PROM1: variants seen among roughly 807,000 people sequenced by gnomAD.
PROM1 encodes prominin 1.
A neutral mutation model predicts 116.9 loss-of-function variants in PROM1; 105 were observed. The observed-to-expected ratio is 0.90, with a 90% CI of 0.77 to 1.06. PROM1 has a LOEUF of 1.06. PROM1 is among the 50% of genes least tolerant of loss of function. The probability of loss-of-function intolerance (pLI) is 0.00; values close to 1 mark genes in which losing one functional copy is unlikely to be tolerated. For synonymous variants in PROM1, 393 were observed against 387.0 expected, an observed-to-expected ratio of 1.02 and a Z score of -0.18; for missense variants, 1,122 against 1,045.2, an observed-to-expected ratio of 1.07 and a Z score of -1.01.
At chr4:16,041,501 G>A (rs561946794) in intron 2 of PROM1, among the ~76,000 whole-genome samples, 207 of 152,178 alleles carry the variant, frequency 1.4e-3, no homozygotes, top group African/African-American at 4.8e-3. Context: ...TTGATGGCCA[G>A]GCACAGTGGC....
intron 12 of PROM1, 84 bp from the exon 13 acceptor site, chr4:16,006,774 G>T: frequency 7.3e-7 from 1 of 1,365,656 alleles, no homozygotes; most frequent in Non-Finnish European, 1.0e-6. Flanking sequence ...GGCTGGAGCC[G>T]ATGAGTTATT....
At chr4:16,036,379 G>A (rs1299888586) in intron 3 of PROM1, among the ~76,000 whole-genome samples, 1 of 152,172 alleles carries the variant, frequency 6.6e-6, no homozygotes, top group Non-Finnish European at 1.5e-5. Context: ...GATCTTCACA[G>A]CTCTGAGGGA....
At chr4:15,985,607 C>A in intron 22 of PROM1, 153 bp downstream of exon 22, 2 of 671,786 alleles carry the variant, frequency 3.0e-6, no homozygotes, top group Non-Finnish European at 5.1e-6. Flanking sequence ...GGTGGGAAGC[C>A]CCAGAAGTCT....
chr4:16,014,286 C>G (rs1471575453), intron 10 of PROM1, among the ~76,000 whole-genome samples: 1 of 152,194 alleles, frequency 6.6e-6, no homozygotes, highest in African/African-American at 2.4e-5. Flanking sequence ...TCCGTTTCCT[C>G]CAAGGAGACT....
chr4:15,994,648 A>G (rs1180983710), intron 15 of PROM1, among the ~76,000 whole-genome samples: 1 of 152,182 alleles, frequency 6.6e-6, no homozygotes, highest in East Asian at 1.9e-4. Context: ...TCACCTCACC[A>G]TGCCTCAATC....
At chr4:15,979,251 G>C in intron 26 of PROM1, 144 bp downstream of exon 26, 1 of 1,293,908 alleles carries the variant, frequency 7.7e-7, no homozygotes, top group Non-Finnish European at 1.1e-6. Context: ...ACACTATGTA[G>C]AGCATGATTG....
intron 5 of PROM1, among the ~76,000 whole-genome samples, chr4:16,030,464 T>C (rs1372156058): frequency 1.3e-5 from 2 of 152,164 alleles, no homozygotes; most frequent in Non-Finnish European, 2.9e-5. Context: ...TGTAGGAGGG[T>C]ATAGAATCAC....
At position 15,993,965 on chromosome 4, in the gene PROM1, T is replaced by C. The variant is rs760439974; in HGVS notation, c.1767+22A>G. The C allele has an allele frequency of 2.5e-6, 4 of 1,609,288 alleles. No individual in the cohort carries two copies. In the Admixed American group the frequency reaches 6.7e-5, roughly 27 times the overall value. The stretch of plus-strand genomic sequence containing the variant: ...TTGGTGAAGGAATGTGTTATGTCGA[T>C]TCCATGACGAGTTCTAATTACCTCA... On this transcript the variant is annotated intron_variant, in intron 16 of 27. Coordinates refer to ENST00000447510, the MANE Select transcript of PROM1 (RefSeq NM_006017.3).
rs754063410 is a variant in PROM1 at position 16,075,848 on chromosome 4, C to A, written c.59G>T (p.Gly20Val). 1.5e-5 allele frequency: 25 copies of A among 1,613,656 alleles called. 1 individual carries two copies. In the South Asian group the frequency reaches 2.6e-4, roughly 17 times the overall value. ...AGCATCTGTGGATGAAGGCTGCCCT[C>A]CTGAAAAGGAGTTCCCGCACAGCCC... ...LLGLCGNSFS[G>V]GQPSSTDAPK... The change falls in exon 2 of 28, where the codon GGA (glycine) becomes GTA (valine). Residue 20 changes from glycine (G) to valine (V), a missense_variant. Transcript: ENST00000447510.
intron 5 of PROM1, among the ~76,000 whole-genome samples, chr4:16,032,200 G>A (rs556195384): frequency 1.9e-4 from 28 of 150,750 alleles, no homozygotes; most frequent in African/African-American, 6.6e-4. Context: ...TCTGCAACCT[G>A]CTTTTTCACT....
intron 13 of PROM1, among the ~76,000 whole-genome samples, chr4:16,004,196 TCAA>T: frequency 6.6e-6 from 1 of 152,326 alleles, no homozygotes; most frequent in East Asian, 1.9e-4. Context: ...CTGGTTGCAT[TCAA>T]CAATAAAGAA....
chr4:16,030,600 G>C (rs1016216193), intron 5 of PROM1, among the ~76,000 whole-genome samples: 7 of 152,222 alleles, frequency 4.6e-5, no homozygotes, highest in African/African-American at 1.7e-4. Context: ...ATAAATGGAA[G>C]CCAAGTTTAT....
At chr4:16,045,486 T>C (rs1736332321) in intron 2 of PROM1, among the ~76,000 whole-genome samples, 1 of 152,150 alleles carries the variant, frequency 6.6e-6, no homozygotes, top group Non-Finnish European at 1.5e-5. Context: ...GTACTGAGAT[T>C]TGGGCTTGTT....
intron 2 of PROM1, among the ~76,000 whole-genome samples, chr4:16,046,654 CT>C (rs1005732584): frequency 3.9e-5 from 6 of 152,204 alleles, no homozygotes; most frequent in Non-Finnish European, 7.3e-5. Flanking sequence ...TTTATTTTAA[CT>C]TATTTAAGAC....
At chr4:16,029,242 C>T (rs1732095628) in intron 5 of PROM1, among the ~76,000 whole-genome samples, 1 of 152,126 alleles carries the variant, frequency 6.6e-6, no homozygotes, top group Non-Finnish European at 1.5e-5. Flanking sequence ...ATAAAATGAA[C>T]TTTGAAAATA....
intron 8 of PROM1, among the ~76,000 whole-genome samples, chr4:16,018,803 G>A (rs1729086207): frequency 6.6e-6 from 1 of 152,114 alleles, no homozygotes; most frequent in Non-Finnish European, 1.5e-5. Flanking sequence ...GCATGATGGG[G>A]ACACCTCAAT....
At chr4:15,977,195 A>G (rs6847030) in intron 26 of PROM1, among the ~76,000 whole-genome samples, 64,023 of 152,076 alleles carry the variant, frequency 0.42, 13,708 homozygotes, top group African/African-American at 0.49. Flanking sequence ...CCAGGCTTGC[A>G]TCTCTCTCTC....
chr4:15,992,695 C>G (rs1009380629), intron 16 of PROM1, among the ~76,000 whole-genome samples: 19 of 152,176 alleles, frequency 1.2e-4, no homozygotes, highest in African/African-American at 4.6e-4. Flanking sequence ...GCATCTCTTC[C>G]TGGTACTTCC....
intron 12 of PROM1, 39 bp downstream of exon 12, chr4:16,008,910 T>C (rs778747684): frequency 6.6e-7 from 1 of 1,512,462 alleles, no homozygotes. Flanking sequence ...CTCTACAAAG[T>C]TCACTCTCGT....
Sources: allele counts gnomAD v4.1 joint callset (sites outside exome capture counted in the v4.1 genomes callset), GRCh38; gene constraint gnomAD v4.1.1; transcripts MANE v1.5; gene names NCBI Gene and HGNC (gene_info 2026-07-23, HGNC 2026-07-21).